The following MRAS variants were observed in gnomAD, a reference collection of about 807,000 sequenced individuals.
MRAS encodes the protein ras-related protein M-Ras.
In MRAS, 4 loss-of-function variants were observed where a neutral mutation model predicts 20.9. That is an observed-to-expected ratio of 0.19 (90% CI 0.09 to 0.44). The LOEUF (loss-of-function observed/expected upper bound fraction) is 0.44. MRAS is among the 20% of genes least tolerant of loss of function. The pLI is 0.99. For missense variants in MRAS, 154 were observed against 277.5 expected (o/e 0.56, Z 3.16); for synonymous variants, 98 against 102.9 (o/e 0.95, Z 0.29).
rs146721473 is a variant in MRAS, at chr3:138,358,419, A to G, written c.-19+9652A>G. ...CACTCTAGACCTTACCTTTACCTAC[A>G]GTAAGAACCAGCAGAAGTGCTGGGA... On this transcript the variant is annotated intron_variant, in intron 1 of 5. Transcript: ENST00000423968. Among the ~76,000 whole-genome samples the G allele has an allele frequency of 2.6e-5, 4 of 152,344 alleles. No homozygotes were observed. In the East Asian group the frequency reaches 7.7e-4, roughly 29 times the overall value.
chr3:138,393,751 G>A (rs376510358), intron 2 of MRAS, among the ~76,000 whole-genome samples: 5 of 151,898 alleles, frequency 3.3e-5, no homozygotes, highest in African/African-American at 7.3e-5. Context: ...GTGCAATGGC[G>A]TGATCTTGGC....
At chr3:138,391,321 A>G (rs2055128159) in intron 2 of MRAS, among the ~76,000 whole-genome samples, 1 of 152,164 alleles carries the variant, frequency 6.6e-6, no homozygotes, top group South Asian at 2.1e-4. Context: ...TCAATTCTCA[A>G]CTGTGATTTC....
At chr3:138,360,171 G>A (rs1000990742) in intron 1 of MRAS, among the ~76,000 whole-genome samples, 3 of 152,182 alleles carry the variant, frequency 2.0e-5, no homozygotes, top group Non-Finnish European at 4.4e-5. Context: ...TGGGATGTCC[G>A]TTTTGTTCTT....
chr3:138,356,342 G>T (rs185447342), intron 1 of MRAS, among the ~76,000 whole-genome samples: 3 of 152,278 alleles, frequency 2.0e-5, no homozygotes, highest in African/African-American at 7.2e-5. Flanking sequence ...GACCATTTAT[G>T]GGGGGTGTTG....
At chr3:138,374,692 A>C (rs894825952) in intron 2 of MRAS, among the ~76,000 whole-genome samples, 2 of 152,234 alleles carry the variant, frequency 1.3e-5, no homozygotes, top group African/African-American at 4.8e-5. Flanking sequence ...TTTAGCATTA[A>C]GTATGATGTT....
At position 138,351,530 on chromosome 3, in the gene MRAS, G is replaced by A. The variant is rs565864611; in HGVS notation, c.-19+2763G>A. On this transcript the variant is annotated intron_variant, in intron 1 of 5. Coordinates refer to ENST00000423968, the MANE Select transcript of MRAS (RefSeq NM_001085049.3). ...TTCAAGCTTTAAGAGGAATTTTCTTGCTGGACTCTGAGTCCCTGTCAGCCC... is the reference window on the plus strand; with the variant it reads ...TTCAAGCTTTAAGAGGAATTTTCTTACTGGACTCTGAGTCCCTGTCAGCCC... Among the ~76,000 whole-genome samples, 4 of 152,314 alleles carry A rather than the reference G, an allele frequency of 2.6e-5. No individual in the cohort carries two copies. In the East Asian group the frequency reaches 7.7e-4, roughly 29 times the overall value.
rs1010949192 is a variant in MRAS, at chr3:138,405,400, T to C, written c.*3131T>C. 3 of 152,818 alleles carry C rather than the reference T, an allele frequency of 2.0e-5. No homozygotes were observed. The South Asian group carries it at 6.2e-4, about 32-fold the overall frequency. The allele number at this position is 152,818 out of a possible 1,614,324, so 9.5% of individuals were successfully genotyped here. A position where few individuals can be genotyped will look rare whatever the true frequency, so the allele number is the denominator to read the frequency against. ...TGCGCCTGTGAGCGCCCAGCTTCTGTTTCATAGTCTTAACAGGTGGCCATT... is the reference window on the plus strand; with the variant it reads ...TGCGCCTGTGAGCGCCCAGCTTCTGCTTCATAGTCTTAACAGGTGGCCATT... On this transcript the variant is annotated 3_prime_UTR_variant, in exon 6 of 6. Transcript: ENST00000423968.
At chr3:138,365,504 G>C (rs2108509792) in intron 1 of MRAS, among the ~76,000 whole-genome samples, 1 of 152,348 alleles carries the variant, frequency 6.6e-6, no homozygotes, top group East Asian at 1.9e-4. Flanking sequence ...CTGGACTTCT[G>C]TCTGATCATT....
At chr3:138,398,898 C>T (rs550275991) in intron 4 of MRAS, among the ~76,000 whole-genome samples, 60 of 152,302 alleles carry the variant, frequency 3.9e-4, no homozygotes, top group Non-Finnish European at 6.8e-4. Context: ...ATTACTGAGC[C>T]GGTAGGAGTA....
chr3:138,401,998 TCC>T (rs1365688389), intron 5 of MRAS, among the ~76,000 whole-genome samples, 170 bp from the exon 6 acceptor site: 1 of 151,992 alleles, frequency 6.6e-6, no homozygotes, highest in Non-Finnish European at 1.5e-5. Context: ...CAGGCCCTCC[TCC>T]AGCGGCCAGG....
At chr3:138,389,233 G>A (rs1267858533) in intron 2 of MRAS, among the ~76,000 whole-genome samples, 1 of 152,074 alleles carries the variant, frequency 6.6e-6, no homozygotes, top group African/African-American at 2.4e-5. Flanking sequence ...GTAGAGTGCA[G>A]ATGATGCATC....
intron 3 of MRAS, 126 bp downstream of exon 3, chr3:138,397,603 C>T: frequency 8.7e-7 from 1 of 1,155,826 alleles, no homozygotes; most frequent in Non-Finnish European, 1.2e-6. Flanking sequence ...TTTTTTTAAG[C>T]CTTATGTGGA....
At chr3:138,390,472 C>T (rs1216075090) in intron 2 of MRAS, among the ~76,000 whole-genome samples, 1 of 152,210 alleles carries the variant, frequency 6.6e-6, no homozygotes, top group Non-Finnish European at 1.5e-5. Flanking sequence ...CGCACATTGG[C>T]AGCATACCTC....
At chr3:138,377,828 C>T (rs539323536) in intron 2 of MRAS, among the ~76,000 whole-genome samples, 3 of 152,318 alleles carry the variant, frequency 2.0e-5, no homozygotes, top group East Asian at 1.9e-4. Flanking sequence ...ATTTTGATGA[C>T]GGGGTATTGA....
At chr3:138,369,002 C>T (rs970025852) in intron 1 of MRAS, among the ~76,000 whole-genome samples, 1 of 152,134 alleles carries the variant, frequency 6.6e-6, no homozygotes, top group Non-Finnish European at 1.5e-5. Context: ...TTCTTTGTTT[C>T]TAGCTCACAC....
chr3:138,404,357 C>G lies in MRAS; in HGVS notation c.*2088C>G, dbSNP rs1211799083. On this transcript the variant is annotated 3_prime_UTR_variant, in exon 6 of 6. Coordinates refer to ENST00000423968, the MANE Select transcript of MRAS (RefSeq NM_001085049.3). ...ACAGCCAGAAAACTCCTGCTGGGCA[C>G]CAACCACTACGAGCATACCCCATGC... 1 of 152,218 alleles carries G rather than the reference C, an allele frequency of 6.6e-6. No homozygotes were observed. The highest frequency in any genetic ancestry group is 1.5e-5 in the Non-Finnish European group (1 of 68,104). The allele number at this position is 152,218 out of a possible 1,614,324, so 9.4% of individuals were successfully genotyped here.
rs1391446508 is a variant in MRAS, at chr3:138,402,271, A to C, written c.*2A>C. 1.2e-6 allele frequency: 2 copies of C among 1,613,656 alleles called. No individual in the cohort carries two copies. Among genetic ancestry groups the C allele is most frequent in the Non-Finnish European group, 1.7e-6 (2 of 1,179,534 alleles). ...AAACTGCAATGTGTGATCTTGTGAC[A>C]GGCCTGAGGCCCTGGGCACAGTGAC... On this transcript the variant is annotated 3_prime_UTR_variant, in exon 6 of 6. Transcript: ENST00000423968.
At chr3:138,391,965 C>T (rs1163977462) in intron 2 of MRAS, among the ~76,000 whole-genome samples, 1 of 152,108 alleles carries the variant, frequency 6.6e-6, no homozygotes, top group Non-Finnish European at 1.5e-5. Context: ...TGGTGAAACT[C>T]TGTCTCTACT....
chr3:138,371,290 T>C (rs1309359058), intron 1 of MRAS, among the ~76,000 whole-genome samples: 1 of 152,238 alleles, frequency 6.6e-6, no homozygotes, highest in African/African-American at 2.4e-5. Context: ...CTCTCGACTG[T>C]AGCCCCATGC....
Sources: allele counts gnomAD v4.1 joint callset (sites outside exome capture counted in the v4.1 genomes callset), GRCh38; gene constraint gnomAD v4.1.1; transcripts MANE v1.5; gene names NCBI Gene and HGNC (gene_info 2026-07-23, HGNC 2026-07-21).